NKAIN3: variants seen among roughly 807,000 people sequenced by gnomAD.
The protein encoded by NKAIN3 is sodium/potassium-transporting ATPase subunit beta-1-interacting protein 3.
Under a neutral mutation model 30.2 loss-of-function variants are expected in NKAIN3, and 25 were observed. That is an observed-to-expected ratio of 0.83 (90% CI 0.60 to 1.16). The LOEUF is 1.16. Ranked by LOEUF, NKAIN3 falls within the 50% of genes most tolerant of loss-of-function variation. The pLI, the probability that NKAIN3 is intolerant of heterozygous loss-of-function variation, is 0.00. For synonymous variants in NKAIN3, 91 were observed against 89.6 expected (o/e 1.02, Z -0.09); for missense variants, 225 against 254.1 (o/e 0.89, Z 0.78).
At chr8:62,809,606 C>T (rs1293982317) in intron 4 of NKAIN3, among the ~76,000 whole-genome samples, 1 of 152,112 alleles carries the variant, frequency 6.6e-6, no homozygotes, top group Admixed American at 6.6e-5. Flanking sequence ...TGTATAGGTT[C>T]TTAAGTGGTT....
intron 1 of NKAIN3, among the ~76,000 whole-genome samples, chr8:62,316,923 C>T (rs1343000151): frequency 6.6e-6 from 1 of 152,184 alleles, no homozygotes; most frequent in African/African-American, 2.4e-5. Context: ...TTCCCCACAT[C>T]CTTTCCAGCA....
At chr8:62,915,201 G>A (rs747203306) in intron 4 of NKAIN3, among the ~76,000 whole-genome samples, 16 of 152,114 alleles carry the variant, frequency 1.1e-4, no homozygotes, top group Admixed American at 5.2e-4. Flanking sequence ...AGATTTCCAC[G>A]TCCTCATCTC....
chr8:62,592,916 A>G (rs1397522091), intron 3 of NKAIN3, among the ~76,000 whole-genome samples: 1 of 152,000 alleles, frequency 6.6e-6, no homozygotes, highest in African/African-American at 2.4e-5. Flanking sequence ...ATTCAAAACT[A>G]CACCAAATAA....
intron 1 of NKAIN3, among the ~76,000 whole-genome samples, chr8:62,393,738 T>C: frequency 6.6e-6 from 1 of 152,102 alleles, no homozygotes; most frequent in East Asian, 1.9e-4. Flanking sequence ...AAAAAGTATA[T>C]ATTTCCATTT....
At chr8:62,794,839 A>G (rs1042201777) in intron 4 of NKAIN3, among the ~76,000 whole-genome samples, 2 of 152,148 alleles carry the variant, frequency 1.3e-5, no homozygotes, top group Non-Finnish European at 2.9e-5. Context: ...AAGGGGGTGT[A>G]GCTGAAGAGC....
intron 1 of NKAIN3, among the ~76,000 whole-genome samples, chr8:62,542,544 C>T (rs950268904): frequency 6.6e-6 from 1 of 152,018 alleles, no homozygotes; most frequent in South Asian, 2.1e-4. Context: ...TAATGGATGA[C>T]ATCTCTATCT....
intron 4 of NKAIN3, among the ~76,000 whole-genome samples, chr8:62,842,923 T>C (rs1291956069): frequency 6.6e-6 from 1 of 152,080 alleles, no homozygotes; most frequent in Admixed American, 6.6e-5. Context: ...AAAAGCTCCA[T>C]GACATTGGTT....
At chr8:62,819,420 A>G (rs536015440) in intron 4 of NKAIN3, among the ~76,000 whole-genome samples, 1 of 152,102 alleles carries the variant, frequency 6.6e-6, no homozygotes, top group East Asian at 1.9e-4. Flanking sequence ...ATGTTTGGAA[A>G]TTCCCATAAT....
chr8:62,428,337 C>T (rs1019228405), intron 1 of NKAIN3, among the ~76,000 whole-genome samples: 1 of 151,856 alleles, frequency 6.6e-6, no homozygotes, highest in Non-Finnish European at 1.5e-5. Flanking sequence ...ATATTGATTT[C>T]CTTTCTTTTG....
At chr8:62,956,847 T>C (rs1282828784) in intron 6 of NKAIN3, among the ~76,000 whole-genome samples, 1 of 152,206 alleles carries the variant, frequency 6.6e-6, no homozygotes, top group Non-Finnish European at 1.5e-5. Context: ...AAAGGGTAGA[T>C]GCAAAACAAT....
intron 2 of NKAIN3, among the ~76,000 whole-genome samples, chr8:62,579,901 G>T (rs888614716): frequency 2.6e-5 from 4 of 152,104 alleles, no homozygotes; most frequent in Non-Finnish European, 5.9e-5. Flanking sequence ...TGATGACATG[G>T]TGTCACTCAC....
chr8:62,589,875 T>TTTG, intron 3 of NKAIN3, 81 bp downstream of exon 3: 1 of 428,516 alleles, frequency 2.3e-6, no homozygotes, highest in East Asian at 3.8e-5. Context: ...TATAGGTATA[T>TTTG]TGTGTGTGTG....
intron 4 of NKAIN3, among the ~76,000 whole-genome samples, chr8:62,778,038 C>A (rs925123631): frequency 6.6e-6 from 1 of 152,092 alleles, no homozygotes; most frequent in East Asian, 1.9e-4. Flanking sequence ...ATTCTCTTCC[C>A]TTACTTTCCC....
intron 3 of NKAIN3, among the ~76,000 whole-genome samples, chr8:62,636,617 G>A (rs1812138757): frequency 6.6e-6 from 1 of 152,200 alleles, no homozygotes. Flanking sequence ...GAATAATCTT[G>A]TGTTTGTGTA....
chr8:62,657,108 T>G (rs1485712283), intron 3 of NKAIN3, among the ~76,000 whole-genome samples: 2 of 152,192 alleles, frequency 1.3e-5, no homozygotes, highest in East Asian at 3.8e-4. Context: ...TTTAAACATT[T>G]CAATTGTTGT....
At chr8:62,795,415 G>T (rs995183406) in intron 4 of NKAIN3, among the ~76,000 whole-genome samples, 4 of 152,110 alleles carry the variant, frequency 2.6e-5, no homozygotes, top group African/African-American at 9.7e-5. Context: ...GGGTGCCTAT[G>T]GACCCCAGGT....
At chr8:62,742,129 TA>T (rs1815922434) in intron 3 of NKAIN3, among the ~76,000 whole-genome samples, 1 of 9,380 alleles carries the variant, frequency 1.1e-4, no homozygotes, top group African/African-American at 2.4e-4. Flanking sequence ...ATGTATATCT[TA>T]TATATATATA....
At chr8:62,567,669 C>T (rs1055484550) in intron 1 of NKAIN3, among the ~76,000 whole-genome samples, 1 of 151,728 alleles carries the variant, frequency 6.6e-6, no homozygotes. Flanking sequence ...AAGAGGGCCA[C>T]CCATCAAGAG....
At chr8:62,434,965 C>G (rs1228047838) in intron 1 of NKAIN3, among the ~76,000 whole-genome samples, 1 of 151,986 alleles carries the variant, frequency 6.6e-6, no homozygotes, top group Non-Finnish European at 1.5e-5. Flanking sequence ...TTTTAAACAG[C>G]AAGATAAGCT....
Sources: gnomAD v4.1 joint callset for allele counts (sites outside exome capture counted in the v4.1 genomes callset) on GRCh38, gnomAD v4.1.1 for gene constraint, MANE v1.5 for transcripts, NCBI Gene and HGNC (gene_info 2026-07-23, HGNC 2026-07-21) for gene names.